Variants in CSGALNACT2 observed in about 807,000 individuals in gnomAD.
CSGALNACT2 encodes chondroitin sulfate N-acetylgalactosaminyltransferase 2.
CSGALNACT2 carries 35 observed loss-of-function variants against 55.3 expected under a neutral mutation model. That is an observed-to-expected ratio of 0.63 (90% CI 0.48 to 0.84). CSGALNACT2 has a LOEUF of 0.84. Ranked by LOEUF, CSGALNACT2 falls within the 40% of genes least tolerant of loss-of-function variation. The pLI is 0.00. For missense variants in CSGALNACT2, 544 were observed against 657.5 expected, an observed-to-expected ratio of 0.83 and a Z score of 1.89; for synonymous variants, 196 against 224.9, an observed-to-expected ratio of 0.87 and a Z score of 1.15.
chr10:43,174,051 A>C (rs904998861), intron 6 of CSGALNACT2, among the ~76,000 whole-genome samples: 4 of 152,006 alleles, frequency 2.6e-5, no homozygotes, highest in African/African-American at 4.8e-5. Context: ...ATGTCTCTCT[A>C]TATATTTATT....
intron 1 of CSGALNACT2, among the ~76,000 whole-genome samples, chr10:43,154,013 G>A (rs1304616261): frequency 6.6e-6 from 1 of 152,130 alleles, no homozygotes; most frequent in Non-Finnish European, 1.5e-5. Context: ...ATATAAAAAT[G>A]TTTTCTTAAT....
At chr10:43,141,427 G>A (rs994059990) in intron 1 of CSGALNACT2, among the ~76,000 whole-genome samples, 1 of 151,598 alleles carries the variant, frequency 6.6e-6, no homozygotes, top group Admixed American at 6.6e-5. Flanking sequence ...ATGTTAGCCA[G>A]GATAGTCTTG....
In CSGALNACT2 at chr10:43,155,182, G is replaced by A. The variant is rs756124075; in HGVS notation, c.33G>A (p.Arg11=). The A allele has an allele frequency of 1.2e-6, 2 of 1,614,074 alleles. No individual in the cohort carries two copies. The highest frequency in any genetic ancestry group is 3.3e-5 in the Admixed American group (2 of 60,020). Residue 11 remains arginine, a synonymous_variant, in exon 2 of 8, where the codon CGG becomes CGA. Coordinates refer to ENST00000374466, the MANE Select transcript of CSGALNACT2 (RefSeq NM_018590.5). ...GAAGAGGACTGATTCTTCACACCCG[G>A]ACCCACTGGTTGCTGTTGGGCCTTG... The part of the protein sequence containing the change: MPRRGLILHT[R]THWLLLGLAL...
intron 6 of CSGALNACT2, among the ~76,000 whole-genome samples, chr10:43,173,117 C>A (rs1265013770): frequency 1.3e-5 from 2 of 152,152 alleles, no homozygotes; most frequent in African/African-American, 4.8e-5. Context: ...TAGGCTTTCA[C>A]AGTAGACAAG....
chr10:43,160,255 G>T (rs1328429603), intron 3 of CSGALNACT2, among the ~76,000 whole-genome samples: 1 of 152,178 alleles, frequency 6.6e-6, no homozygotes, highest in Non-Finnish European at 1.5e-5. Flanking sequence ...AAAAGCAAAA[G>T]TTCAAAAAAT....
At chr10:43,176,353 T>A (rs985349958) in intron 7 of CSGALNACT2, among the ~76,000 whole-genome samples, 1 of 152,218 alleles carries the variant, frequency 6.6e-6, no homozygotes, top group African/African-American at 2.4e-5. Flanking sequence ...TCTATAACTT[T>A]ACTGTTGTGC....
At position 43,184,789 on chromosome 10, in the gene CSGALNACT2, T is replaced by A. The variant is rs1325104333; in HGVS notation, c.*1247T>A. 6.6e-6 allele frequency: 1 copy of A among 152,288 alleles called. No individual in the cohort carries two copies. Among genetic ancestry groups the A allele is most frequent in the East Asian group, 1.9e-4 (1 of 5,188 alleles). 9.4% of individuals were successfully genotyped at this position (152,288 alleles called of 1,614,324 possible). On this transcript the variant is annotated 3_prime_UTR_variant, in exon 8 of 8. Coordinates refer to ENST00000374466, the MANE Select transcript of CSGALNACT2 (RefSeq NM_018590.5). ...GATCTGTTACCATCAGGTCAATTCC[T>A]AGTATGCATAAATTTTTTAACCCTT...
intron 7 of CSGALNACT2, 68 bp from the exon 8 acceptor site, chr10:43,183,182 T>G (rs1337607675): frequency 8.1e-7 from 1 of 1,235,404 alleles, no homozygotes; most frequent in African/African-American, 1.5e-5. Flanking sequence ...CATTTAAAAT[T>G]TTATATATAT....
chr10:43,148,693 TA>T (rs1838812830), intron 1 of CSGALNACT2, among the ~76,000 whole-genome samples: 1 of 152,216 alleles, frequency 6.6e-6, no homozygotes, highest in Non-Finnish European at 1.5e-5. Context: ...TGCTTGTTGC[TA>T]ATGTAGAGAA....
intron 6 of CSGALNACT2, among the ~76,000 whole-genome samples, chr10:43,173,158 A>G (rs981897986): frequency 2.6e-5 from 4 of 152,194 alleles, no homozygotes; most frequent in African/African-American, 9.7e-5. Flanking sequence ...GTGACAGTGT[A>G]TTATAATTAC....
chr10:43,174,561 G>A (rs572472174), intron 6 of CSGALNACT2, among the ~76,000 whole-genome samples: 60 of 152,288 alleles, frequency 3.9e-4, no homozygotes, highest in African/African-American at 1.4e-3. Flanking sequence ...CATCTTGGTT[G>A]ATCCTTCTCC....
intron 1 of CSGALNACT2, among the ~76,000 whole-genome samples, chr10:43,141,861 T>C (rs771766562): frequency 7.2e-5 from 11 of 152,106 alleles, no homozygotes; most frequent in Non-Finnish European, 8.8e-5. Context: ...CTGGCAAATA[T>C]AGATCAACCC....
At chr10:43,138,896 C>T (rs1438536434) in intron 1 of CSGALNACT2, among the ~76,000 whole-genome samples, 1 of 152,204 alleles carries the variant, frequency 6.6e-6, no homozygotes, top group East Asian at 1.9e-4. Context: ...TAAAATAGTT[C>T]TGCCCTCAGC....
intron 6 of CSGALNACT2, among the ~76,000 whole-genome samples, chr10:43,171,731 A>G (rs919895181): frequency 1.3e-5 from 2 of 152,214 alleles, no homozygotes; most frequent in Non-Finnish European, 2.9e-5. Context: ...TAGGTGTTGC[A>G]TAGCAACTTA....
At chr10:43,166,365 T>G (rs1475086604) in intron 5 of CSGALNACT2, among the ~76,000 whole-genome samples, 1 of 152,196 alleles carries the variant, frequency 6.6e-6, no homozygotes, top group East Asian at 1.9e-4. Flanking sequence ...CATATCTGAT[T>G]GAAGCCAGCC....
chr10:43,180,399 T>C (rs569745089), intron 7 of CSGALNACT2, among the ~76,000 whole-genome samples: 1 of 152,260 alleles, frequency 6.6e-6, no homozygotes, highest in Non-Finnish European at 1.5e-5. Flanking sequence ...GGTCTACTAA[T>C]GAACCCATCT....
chr10:43,160,762 A>C (rs1839129541), intron 4 of CSGALNACT2, among the ~76,000 whole-genome samples, 167 bp downstream of exon 4: 1 of 152,002 alleles, frequency 6.6e-6, no homozygotes, highest in African/African-American at 2.4e-5. Context: ...GCAACCCTAC[A>C]TGACTCAACT....
chr10:43,163,786 A>G, intron 4 of CSGALNACT2, 80 bp from the exon 5 acceptor site: 9 of 1,446,650 alleles, frequency 6.2e-6, no homozygotes, highest in Non-Finnish European at 8.2e-6. Flanking sequence ...TGTAAAACAT[A>G]TTTTGTAAGC....
intron 7 of CSGALNACT2, 68 bp downstream of exon 7, chr10:43,176,100 G>A (rs938157624): frequency 7.7e-7 from 1 of 1,293,792 alleles, no homozygotes; most frequent in Non-Finnish European, 1.1e-6. Context: ...TTGCTAAAAG[G>A]TCTCAGATTT....
Sources: allele counts gnomAD v4.1 joint callset (sites outside exome capture counted in the v4.1 genomes callset), GRCh38; gene constraint gnomAD v4.1.1; transcripts MANE v1.5; gene names NCBI Gene and HGNC (gene_info 2026-07-23, HGNC 2026-07-21).